DENND5A: variants seen among roughly 807,000 people sequenced by gnomAD.
The protein encoded by DENND5A is DENN domain-containing protein 5A.
DENND5A carries 64 observed loss-of-function variants against 140.3 expected under a neutral mutation model. The ratio of observed to expected loss-of-function variants is 0.46; its 90% CI spans 0.37 to 0.56. The LOEUF is 0.56. DENND5A is among the 20% of genes least tolerant of loss of function. The probability of loss-of-function intolerance (pLI) is 0.00; values close to 1 mark genes in which losing one functional copy is unlikely to be tolerated. For synonymous variants in DENND5A, 605 were observed against 607.7 expected (o/e 1.00, Z 0.07); for missense variants, 1,292 against 1,593.8 (o/e 0.81, Z 3.22).
chr11:9,144,035 A>C, intron 19 of DENND5A, 62 bp downstream of exon 19: 1 of 1,541,852 alleles, frequency 6.5e-7, no homozygotes, highest in Admixed American at 2.1e-5. Context: ...ATCAGGGCTC[A>C]CAGAGATCCA....
chr11:9,240,065 T>C (rs1232375097), intron 1 of DENND5A, among the ~76,000 whole-genome samples: 1 of 152,224 alleles, frequency 6.6e-6, no homozygotes, highest in East Asian at 1.9e-4. Flanking sequence ...AATAGTACTC[T>C]TTCCCTCTCT....
chr11:9,174,034 C>T (rs1848462199), intron 8 of DENND5A, among the ~76,000 whole-genome samples: 1 of 125,576 alleles, frequency 8.0e-6, no homozygotes, highest in Non-Finnish European at 1.5e-5. Context: ...ACCCGGAAGG[C>T]AGAAGTTGCA....
chr11:9,248,752 G>A (rs1851587623), intron 1 of DENND5A, among the ~76,000 whole-genome samples: 1 of 151,912 alleles, frequency 6.6e-6, no homozygotes, highest in Admixed American at 6.6e-5. Context: ...AGGGGCTTAG[G>A]ATTTTACTTT....
chr11:9,261,648 C>G (rs528218008), intron 1 of DENND5A, among the ~76,000 whole-genome samples: 1 of 151,808 alleles, frequency 6.6e-6, no homozygotes, highest in Non-Finnish European at 1.5e-5. Context: ...TGTGGTGGCA[C>G]GCGCGGCTCA....
chr11:9,144,516 C>A (rs1847356120), intron 18 of DENND5A, among the ~76,000 whole-genome samples: 1 of 152,142 alleles, frequency 6.6e-6, no homozygotes, highest in South Asian at 2.1e-4. Flanking sequence ...TCTGGCTGGG[C>A]CTGATGGCTC....
intron 12 of DENND5A, among the ~76,000 whole-genome samples, chr11:9,156,585 C>T (rs1329143607): frequency 6.6e-6 from 1 of 151,566 alleles, no homozygotes; most frequent in East Asian, 1.9e-4. Flanking sequence ...CAAGATCGCG[C>T]CATTGCACTC....
chr11:9,152,270 C>A, intron 13 of DENND5A, 88 bp downstream of exon 13: 1 of 991,204 alleles, frequency 1.0e-6, no homozygotes, highest in Non-Finnish European at 1.6e-6. Context: ...CTTCTTCGAC[C>A]TGGAATAGTT....
At chr11:9,145,498 C>T (rs1317324993) in intron 17 of DENND5A, 172 bp downstream of exon 17, 2 of 749,186 alleles carry the variant, frequency 2.7e-6, no homozygotes, top group Non-Finnish European at 2.2e-6. Flanking sequence ...GTGGGGTCCC[C>T]CTCCTCAGGG....
rs537483189 is a variant in DENND5A at position 9,148,586 on chromosome 11, G to A, written c.2736-1435C>T. On this transcript the variant is annotated intron_variant, in intron 15 of 22. Transcript: ENST00000328194. ...GACAGAGGTGAAGAACCTGAAACCT[G>A]TATGTGGGAGATAAAGCAAAGCAAG... is the stretch of plus-strand genomic sequence containing the variant. Among the ~76,000 whole-genome samples, 5 of 152,328 alleles carry A rather than the reference G, an allele frequency of 3.3e-5. No homozygotes were observed. The South Asian group carries it at 1.0e-3, about 32-fold the overall frequency.
At chr11:9,186,459 C>A (rs1848916734) in intron 5 of DENND5A, among the ~76,000 whole-genome samples, 1 of 152,204 alleles carries the variant, frequency 6.6e-6, no homozygotes, top group Non-Finnish European at 1.5e-5. Context: ...AATCATTTAC[C>A]TCCTCAGTTA....
At position 9,204,138 on chromosome 11, in the gene DENND5A, G is replaced by C; in HGVS notation, c.471C>G (p.His157Gln). Residue 157 changes from histidine to glutamine, a missense_variant, in exon 4 of 23, where the codon CAC becomes CAG. Physicochemically the swap from His to Gln is conservative, Grantham distance 24. This residue lies in a region of DENND5A where 566 missense variants were observed against 650.4 expected (regional missense o/e 0.87). Transcript: ENST00000328194. ...CSAMQTLYHM[H>Q]NAEYDVLHAP... is the part of the protein sequence containing the mutation. ...CATGTAGGACATCATACTCAGCATT[G>C]TGCATGTGGTAGAGGGTCTGCATTG... is the stretch of plus-strand genomic sequence containing the variant. 6.2e-7 allele frequency: 1 copy of C among 1,614,154 alleles called. No individual in the cohort carries two copies. Among genetic ancestry groups the C allele is most frequent in the Non-Finnish European group, 8.5e-7 (1 of 1,180,018 alleles).
chr11:9,166,983 C>A (rs1848212265), intron 10 of DENND5A, among the ~76,000 whole-genome samples: 1 of 152,040 alleles, frequency 6.6e-6, no homozygotes, highest in African/African-American at 2.4e-5. Flanking sequence ...AACTCCTCTG[C>A]CCGTATCAAA....
chr11:9,180,242 C>G (rs1280441870), intron 6 of DENND5A, among the ~76,000 whole-genome samples: 1 of 151,742 alleles, frequency 6.6e-6, no homozygotes, highest in African/African-American at 2.4e-5. Context: ...TGCTTGAGCC[C>G]GGAAGTTTGA....
chr11:9,190,212 T>C (rs1278376889), intron 5 of DENND5A, among the ~76,000 whole-genome samples: 2 of 152,308 alleles, frequency 1.3e-5, no homozygotes, highest in African/African-American at 4.8e-5. Context: ...CTTTAGACTA[T>C]GGACTTTTGA....
At chr11:9,153,129 C>T (rs184855584) in intron 12 of DENND5A, among the ~76,000 whole-genome samples, 58 of 151,978 alleles carry the variant, frequency 3.8e-4, no homozygotes, top group African/African-American at 1.3e-3. Context: ...CGGGACCAGC[C>T]TAGCCAACAC....
intron 5 of DENND5A, among the ~76,000 whole-genome samples, chr11:9,184,651 T>C (rs1036872983): frequency 2.0e-5 from 3 of 152,210 alleles, no homozygotes; most frequent in African/African-American, 4.8e-5. Context: ...AAAATGAGCA[T>C]AAAATGGCAC....
chr11:9,214,726 T>C (rs1564920037), intron 1 of DENND5A, among the ~76,000 whole-genome samples: 1 of 152,048 alleles, frequency 6.6e-6, no homozygotes, highest in Non-Finnish European at 1.5e-5. Context: ...ACTTTTTTGT[T>C]TTGTTTTGTT....
rs546048210 is a variant in DENND5A, at chr11:9,187,087, C to CA, written c.1138-6004dup. Among the ~76,000 whole-genome samples the CA allele has an allele frequency of 5.2e-3, 792 of 150,920 alleles. 3 individuals carry two copies. The highest frequency in any genetic ancestry group is 0.017 in the Middle Eastern group (5 of 294). On this transcript the variant is annotated intron_variant, in intron 5 of 22. Transcript: ENST00000328194. The stretch of plus-strand genomic sequence containing the variant: ...TAACAGAGCAAGACTCCATCTCAAA[C>CA]AAAAAAAAGAGAAGAAAGAATTGAG...
At chr11:9,159,653 CAT>C (rs1491429615) in intron 12 of DENND5A, among the ~76,000 whole-genome samples, 3 of 152,248 alleles carry the variant, frequency 2.0e-5, no homozygotes, top group African/African-American at 7.2e-5. Flanking sequence ...TTTGTGTAGA[CAT>C]ATGTTTTCAC....
Sources: allele counts gnomAD v4.1 joint callset (sites outside exome capture counted in the v4.1 genomes callset), GRCh38; gene constraint gnomAD v4.1.1; regional missense constraint gnomAD v4.1.1; transcripts MANE v1.5; gene names NCBI Gene and HGNC (gene_info 2026-07-23, HGNC 2026-07-21).